Variants in SLC38A6 observed in about 807,000 individuals in gnomAD.
SLC38A6 encodes the protein N system amino acid transporter NAT-1.
In SLC38A6, 73 loss-of-function variants were observed where a neutral mutation model predicts 65.0. That is an observed-to-expected ratio of 1.12 (90% CI 0.93 to 1.37). SLC38A6 has a LOEUF of 1.37. SLC38A6 is among the 40% of genes most tolerant of loss of function. SLC38A6 has a pLI of 0.00. For missense variants in SLC38A6, 561 were observed against 531.1 expected (o/e 1.06, Z -0.55); for synonymous variants, 183 against 178.8 (o/e 1.02, Z -0.19).
intron 6 of SLC38A6, among the ~76,000 whole-genome samples, chr14:61,035,523 T>C (rs1464076021): frequency 6.6e-6 from 1 of 152,180 alleles, no homozygotes. Flanking sequence ...GAATTTTCTC[T>C]ATTTTATTTT....
At chr14:61,049,221 T>A (rs1446348848) in intron 12 of SLC38A6, among the ~76,000 whole-genome samples, 4 of 152,156 alleles carry the variant, frequency 2.6e-5, no homozygotes, top group African/African-American at 9.7e-5. Flanking sequence ...GCCTACCAGG[T>A]TGAGGCCACA....
At chr14:61,071,682 C>CAA (rs747015319) in intron 15 of SLC38A6, among the ~76,000 whole-genome samples, 1 of 105,388 alleles carries the variant, frequency 9.5e-6, no homozygotes, top group African/African-American at 3.5e-5. Context: ...AATCCTGTCT[C>CAA]AAAAAAAAAA....
chr14:61,066,838 T>G (rs1018750273), intron 15 of SLC38A6, among the ~76,000 whole-genome samples: 1 of 152,222 alleles, frequency 6.6e-6, no homozygotes, highest in African/African-American at 2.4e-5. Flanking sequence ...AAGAGTCAAC[T>G]GTGTATATAT....
In SLC38A6 at chr14:61,051,919, T is replaced by G. The variant is rs1011483552; in HGVS notation, c.1183T>G (p.Phe395Val). The part of the protein sequence containing the change: ...AIYVPDIRNV[F>V]GVVGASTSTC... ...ATATGTTCCTGACATTAGAAATGTA[T>G]TTGGTGTAGTTGGTAAGTTTTCTGT... Residue 395 changes from phenylalanine (F) to valine (V), a missense_variant, in exon 14 of 16, where the codon TTT becomes GTT. Physicochemically the swap from Phe to Val is conservative, Grantham distance 50. Coordinates refer to ENST00000267488, the MANE Select transcript of SLC38A6 (RefSeq NM_153811.3). 1.2e-6 allele frequency: 2 copies of G among 1,609,420 alleles called. No individual in the cohort carries two copies. The highest frequency in any genetic ancestry group is 2.7e-5 in the African/African-American group (2 of 74,764).
At chr14:61,019,649 T>G in intron 5 of SLC38A6, 69 bp downstream of exon 5, 1 of 1,501,262 alleles carries the variant, frequency 6.7e-7, no homozygotes, top group South Asian at 1.1e-5. Context: ...ATTGTTATCT[T>G]ACTACAGATC....
At chr14:61,075,010 AT>A (rs1469770533) in intron 15 of SLC38A6, among the ~76,000 whole-genome samples, 4 of 152,310 alleles carry the variant, frequency 2.6e-5, no homozygotes, top group Admixed American at 2.6e-4. Context: ...ATCAAAAAAA[AT>A]GTGACCCTAT....
intron 2 of SLC38A6, among the ~76,000 whole-genome samples, chr14:60,982,966 A>T (rs904811143): frequency 1.3e-5 from 2 of 152,206 alleles, no homozygotes; most frequent in Non-Finnish European, 1.5e-5. Flanking sequence ...ACTTCCAAAT[A>T]GCAATTTTGT....
intron 4 of SLC38A6, among the ~76,000 whole-genome samples, chr14:61,018,603 G>T (rs967256159): frequency 6.6e-6 from 1 of 152,094 alleles, no homozygotes; most frequent in Admixed American, 6.6e-5. Flanking sequence ...TTGGGGTTCC[G>T]ATCCATTAAG....
Position 61,052,418 on chromosome 14 carries a change from A to T in SLC38A6, c.1360A>T (p.Ile454Phe). 1.3e-6 allele frequency: 2 copies of T among 1,559,752 alleles called. No homozygotes were observed. The highest frequency in any genetic ancestry group is 1.7e-6 in the Non-Finnish European group (2 of 1,157,416). Reference protein sequence around the residue: ...FSLALIIFDWINK With the variant: ...FSLALIIFDWFNK The stretch of plus-strand genomic sequence containing the variant: ...TTTAGCACTCATCATTTTTGATTGG[A>T]TTAATAAATAAAAGAAATATTTTCC... The change falls in exon 16 of 16, where the codon ATT becomes TTT. Residue 454 changes from isoleucine to phenylalanine, a missense_variant. Transcript: ENST00000267488.
At chr14:61,066,399 T>A (rs906620016) in intron 15 of SLC38A6, among the ~76,000 whole-genome samples, 1 of 152,086 alleles carries the variant, frequency 6.6e-6, no homozygotes, top group South Asian at 2.1e-4. Flanking sequence ...CAAGCAATTA[T>A]AAGGAACAGG....
In SLC38A6 at chr14:61,068,184, C is replaced by G. The variant is rs370475020; in HGVS notation, c.1291-10626C>G. ...GGCTCCACAATCACTTCAAACTTAACATGTCCAAATCCATTCCTCACTACA... is the reference window on the plus strand; with the variant it reads ...GGCTCCACAATCACTTCAAACTTAAGATGTCCAAATCCATTCCTCACTACA... On this transcript the variant is annotated intron_variant, in intron 15 of 16. Coordinates refer to the SLC38A6 transcript ENST00000354886. Among the ~76,000 whole-genome samples, 68 of 152,090 alleles carry G rather than the reference C, an allele frequency of 4.5e-4. 1 individual carries two copies. The highest frequency in any genetic ancestry group is 2.1e-3 in the East Asian group (11 of 5,190).
At chr14:61,065,452 G>C (rs1180864611) in intron 15 of SLC38A6, among the ~76,000 whole-genome samples, 1 of 152,104 alleles carries the variant, frequency 6.6e-6, no homozygotes, top group East Asian at 1.9e-4. Flanking sequence ...GTCTTCATGT[G>C]CTCCTTTTTA....
At chr14:61,025,987 TTGCTGAACTTCCCCCAAG>T (rs2040589983) in intron 5 of SLC38A6, among the ~76,000 whole-genome samples, 1 of 152,200 alleles carries the variant, frequency 6.6e-6, no homozygotes, top group Admixed American at 6.6e-5. Context: ...CCTTTAAGAA[TTGCTGAACTTCCCCCAAG>T]TGCTGAAAAC....
intron 3 of SLC38A6, among the ~76,000 whole-genome samples, chr14:60,992,256 T>G (rs1157400471): frequency 1.3e-5 from 2 of 152,220 alleles, no homozygotes; most frequent in Non-Finnish European, 2.9e-5. Flanking sequence ...TTCCAGAGGC[T>G]TTGTGAGCTC....
chr14:60,982,465 C>T, intron 1 of SLC38A6, 43 bp from the exon 2 acceptor site: 1 of 1,580,436 alleles, frequency 6.3e-7, no homozygotes, highest in African/African-American at 1.4e-5. Flanking sequence ...ATTTTAACTT[C>T]ACCGTCCAAA....
At chr14:61,077,437 A>G (rs1286140635) in intron 15 of SLC38A6, among the ~76,000 whole-genome samples, 1 of 152,210 alleles carries the variant, frequency 6.6e-6, no homozygotes, top group Non-Finnish European at 1.5e-5. Context: ...AAATATCTAA[A>G]TAAGTTCTGG....
intron 3 of SLC38A6, among the ~76,000 whole-genome samples, chr14:61,013,681 A>G (rs2039760947): frequency 1.3e-5 from 2 of 152,170 alleles, no homozygotes; most frequent in Non-Finnish European, 2.9e-5. Flanking sequence ...TGGGTTGAAA[A>G]TTCTTTTCTT....
chr14:61,018,328 A>G (rs910694058), intron 4 of SLC38A6, among the ~76,000 whole-genome samples: 6 of 152,244 alleles, frequency 3.9e-5, no homozygotes, highest in African/African-American at 7.2e-5. Flanking sequence ...TAAGTTTTAC[A>G]TAGGCTGAAA....
At chr14:61,042,966 G>A (rs771391001) in intron 8 of SLC38A6, among the ~76,000 whole-genome samples, 181 bp from the exon 9 acceptor site, 23 of 152,070 alleles carry the variant, frequency 1.5e-4, no homozygotes, top group African/African-American at 2.2e-4. Context: ...GTCTCCAACC[G>A]CCTCCCTACC....
Sources: gnomAD v4.1 joint callset for allele counts (sites outside exome capture counted in the v4.1 genomes callset) on GRCh38, gnomAD v4.1.1 for gene constraint, MANE v1.5 for transcripts, NCBI Gene and HGNC (gene_info 2026-07-23, HGNC 2026-07-21) for gene names.